Variants in CNOT6L observed in about 807,000 individuals in gnomAD.
CNOT6L encodes CCR4-NOT transcription complex subunit 6-like.
In CNOT6L, 7 loss-of-function variants were observed where a neutral mutation model predicts 64.0. The observed-to-expected ratio is 0.11, with a 90% CI of 0.06 to 0.21. CNOT6L has a LOEUF of 0.21. CNOT6L is among the 10% of genes least tolerant of loss of function. CNOT6L has a pLI of 1.00. For synonymous variants in CNOT6L, 193 were observed against 243.4 expected, an observed-to-expected ratio of 0.79 and a Z score of 1.93; for missense variants, 245 against 669.0, an observed-to-expected ratio of 0.37 and a Z score of 6.99.
At chr4:77,819,104 A>T (rs774504995) in intron 1 of CNOT6L, 200 bp downstream of exon 1, 4 of 861,014 alleles carry the variant, frequency 4.6e-6, no homozygotes, top group Non-Finnish European at 7.3e-6. Flanking sequence ...CTCTGAAGAG[A>T]CGCGGGTCAG....
chr4:77,754,814 A>T (rs1183652993), intron 5 of CNOT6L, among the ~76,000 whole-genome samples: 1 of 148,860 alleles, frequency 6.7e-6, no homozygotes, highest in East Asian at 2.0e-4. Flanking sequence ...AGGACAACCT[A>T]ATCAATAAAT....
chr4:77,817,866 C>T (rs748229580), intron 1 of CNOT6L, among the ~76,000 whole-genome samples: 1 of 152,182 alleles, frequency 6.6e-6, no homozygotes. Flanking sequence ...ATCCACAGCA[C>T]GGTTCTAGCT....
intron 8 of CNOT6L, among the ~76,000 whole-genome samples, chr4:77,739,767 A>G (rs1723373043): frequency 6.6e-6 from 1 of 152,242 alleles, no homozygotes; most frequent in African/African-American, 2.4e-5. Context: ...CAGGTGACAC[A>G]TCTAAGTACT....
Position 77,744,877 on chromosome 4 carries a change from TAAG to T in CNOT6L, c.560-5_560-3del, listed in dbSNP as rs751642431. The T allele has an allele frequency of 1.3e-6, 2 of 1,585,152 alleles. No homozygotes were observed. The highest frequency in any genetic ancestry group is 2.7e-5 in the African/African-American group (2 of 73,588). ...TGTAACACATAACCGTGAATGATGC[TAAG>T]AAGTGGGAGAAAAAACAACAGACAA... On this transcript the variant is annotated splice_region_variant and splice_polypyrimidine_tract_variant and intron_variant, in intron 6 of 11. Transcript: ENST00000504123.
intron 10 of CNOT6L, among the ~76,000 whole-genome samples, chr4:77,728,106 A>G (rs986962134): frequency 6.6e-6 from 1 of 152,244 alleles, no homozygotes; most frequent in African/African-American, 2.4e-5. Flanking sequence ...GTAAAATGAT[A>G]AAAGTTCAGA....
chr4:77,741,243 G>A (rs1437852510), intron 8 of CNOT6L, among the ~76,000 whole-genome samples: 1 of 152,108 alleles, frequency 6.6e-6, no homozygotes, highest in Non-Finnish European at 1.5e-5. Context: ...AATGGGAAGT[G>A]GACCAAATAT....
At chr4:77,801,328 T>C (rs1560434688) in intron 1 of CNOT6L, among the ~76,000 whole-genome samples, 1 of 152,146 alleles carries the variant, frequency 6.6e-6, no homozygotes, top group Admixed American at 6.6e-5. Flanking sequence ...AAACTAAATA[T>C]AATGCTCTTC....
chr4:77,796,373 A>C (rs1730851224), intron 1 of CNOT6L, among the ~76,000 whole-genome samples: 1 of 152,058 alleles, frequency 6.6e-6, no homozygotes. Context: ...GAAGTGATTG[A>C]ATCATGGGGG....
intron 1 of CNOT6L, among the ~76,000 whole-genome samples, chr4:77,816,587 C>G (rs1316629350): frequency 1.3e-5 from 2 of 152,092 alleles, no homozygotes; most frequent in Admixed American, 1.3e-4. Context: ...TGACTCTTAC[C>G]TTCACAGAAA....
At chr4:77,778,670 G>A (rs1015052984) in intron 1 of CNOT6L, among the ~76,000 whole-genome samples, 1 of 150,142 alleles carries the variant, frequency 6.7e-6, no homozygotes, top group Non-Finnish European at 1.5e-5. Flanking sequence ...CTCCCAAAGT[G>A]CTGGGATTAC....
At chr4:77,737,776 A>G (rs1045162724) in intron 8 of CNOT6L, among the ~76,000 whole-genome samples, 7 of 152,070 alleles carry the variant, frequency 4.6e-5, no homozygotes, top group South Asian at 2.1e-4. Context: ...ACCCCATAAG[A>G]AACCTCTAAA....
At chr4:77,753,046 T>C (rs897425985) in intron 5 of CNOT6L, among the ~76,000 whole-genome samples, 2 of 151,802 alleles carry the variant, frequency 1.3e-5, no homozygotes, top group Non-Finnish European at 2.9e-5. Flanking sequence ...TGAACAACTT[T>C]CGGCCCGTAA....
intron 8 of CNOT6L, among the ~76,000 whole-genome samples, chr4:77,739,372 C>A (rs1265048923): frequency 1.3e-5 from 2 of 152,144 alleles, no homozygotes; most frequent in African/African-American, 2.4e-5. Flanking sequence ...CAAAAATGAT[C>A]TTACAAGATA....
intron 1 of CNOT6L, among the ~76,000 whole-genome samples, chr4:77,787,980 T>A (rs912497467): frequency 6.6e-6 from 1 of 152,210 alleles, no homozygotes; most frequent in East Asian, 1.9e-4. Flanking sequence ...TCTTTAAAGT[T>A]TGAAAACCCT....
rs1328648669 is a variant in CNOT6L, at chr4:77,713,907, C to T, written c.*6524G>A. On this transcript the variant is annotated 3_prime_UTR_variant, in exon 12 of 12. Coordinates refer to ENST00000504123, the MANE Select transcript of CNOT6L (RefSeq NM_144571.3). ...TTAAACATTAAACACTAGCAAGCTACAATTACATGGCACTTCATTAAATAG... is the reference window on the plus strand; with the variant it reads ...TTAAACATTAAACACTAGCAAGCTATAATTACATGGCACTTCATTAAATAG... 1.3e-5 allele frequency: 2 copies of T among 152,082 alleles called. No individual in the cohort carries two copies. Among genetic ancestry groups the T allele is most frequent in the African/African-American group, 4.9e-5 (2 of 41,020 alleles). The allele number at this position is 152,082 out of a possible 1,614,324, so 9.4% of individuals were successfully genotyped here.
chr4:77,765,317 T>C (rs933753420), intron 4 of CNOT6L, among the ~76,000 whole-genome samples: 2 of 152,230 alleles, frequency 1.3e-5, no homozygotes, highest in African/African-American at 2.4e-5. Flanking sequence ...GCTCTGCCTA[T>C]GGAGTAGCCA....
intron 4 of CNOT6L, among the ~76,000 whole-genome samples, chr4:77,767,213 T>C (rs974666175): frequency 6.6e-6 from 1 of 150,904 alleles, no homozygotes; most frequent in African/African-American, 2.4e-5. Context: ...ATTAAATAAA[T>C]GGACAAAGAG....
Position 77,744,352 on chromosome 4 carries a change from T to A in CNOT6L, c.717+366A>T, listed in dbSNP as rs557707567. ...AATAACTGTGGGCAAGCTTTTTTTT[T>A]TAAAAAAAAACAGACTCCAATACAA... On this transcript the variant is annotated intron_variant, in intron 7 of 11. Transcript: ENST00000504123. 2.1e-4 allele frequency among the ~76,000 whole-genome samples: 32 copies of A among 151,036 alleles called. 1 individual carries two copies. The highest frequency in any genetic ancestry group is 1.9e-3 in the South Asian group (9 of 4,810).
intron 4 of CNOT6L, among the ~76,000 whole-genome samples, chr4:77,766,213 T>C (rs994389529): frequency 5.3e-5 from 8 of 152,184 alleles, no homozygotes; most frequent in Non-Finnish European, 1.2e-4. Flanking sequence ...TGTGTATGTA[T>C]ATGTATATAT....
Sources: gnomAD v4.1 joint callset for allele counts (sites outside exome capture counted in the v4.1 genomes callset) on GRCh38, gnomAD v4.1.1 for gene constraint, MANE v1.5 for transcripts, NCBI Gene and HGNC (gene_info 2026-07-23, HGNC 2026-07-21) for gene names.